The following DLG2 variants were observed in gnomAD, a reference collection of about 807,000 sequenced individuals.
DLG2 encodes discs large MAGUK scaffold protein 2.
Under a neutral mutation model 132.5 loss-of-function variants are expected in DLG2, and 45 were observed. That is an observed-to-expected ratio of 0.34 (90% confidence interval 0.27 to 0.44). DLG2 has a LOEUF of 0.44. Among genes scored for constraint, DLG2 ranks in the 20% least tolerant of loss-of-function variants. The pLI is 1.00. For missense variants in DLG2, 1,045 were observed against 1,196.9 expected, an observed-to-expected ratio of 0.87 and a Z score of 1.87; for synonymous variants, 424 against 419.6, an observed-to-expected ratio of 1.01 and a Z score of -0.13.
intron 6 of DLG2, among the ~76,000 whole-genome samples, chr11:84,732,247 A>G (rs2063243653): frequency 6.6e-6 from 1 of 152,118 alleles, no homozygotes; most frequent in Admixed American, 6.6e-5. Flanking sequence ...TCTGTGCATA[A>G]GTCTCTGCAT....
chr11:85,519,497 A>G (rs1045818974), intron 3 of DLG2, among the ~76,000 whole-genome samples: 1 of 152,172 alleles, frequency 6.6e-6, no homozygotes, highest in African/African-American at 2.4e-5. Context: ...TACTTACCCA[A>G]TACCTGTACC....
At chr11:83,858,454 T>C (rs1565373301) in intron 16 of DLG2, among the ~76,000 whole-genome samples, 1 of 152,224 alleles carries the variant, frequency 6.6e-6, no homozygotes, top group African/African-American at 2.4e-5. Context: ...TTCACTCTCA[T>C]TATCCTCCAG....
intron 16 of DLG2, among the ~76,000 whole-genome samples, chr11:83,835,468 A>G (rs557529511): frequency 2.4e-4 from 37 of 152,320 alleles, no homozygotes; most frequent in African/African-American, 8.7e-4. Flanking sequence ...TCATGTCGCT[A>G]TAAAAAGGAA....
chr11:84,334,054 C>T (rs776591983), intron 7 of DLG2, among the ~76,000 whole-genome samples: 1 of 152,090 alleles, frequency 6.6e-6, no homozygotes, highest in African/African-American at 2.4e-5. Flanking sequence ...TGGGCACATC[C>T]TCATAATATG....
intron 18 of DLG2, among the ~76,000 whole-genome samples, chr11:83,712,488 G>C (rs1017475978): frequency 6.6e-6 from 1 of 151,938 alleles, no homozygotes; most frequent in African/African-American, 2.4e-5. Context: ...AAATTAGCCC[G>C]GTGTGGTGTT....
At chr11:83,684,746 T>C (rs2153605043) in intron 18 of DLG2, among the ~76,000 whole-genome samples, 1 of 152,230 alleles carries the variant, frequency 6.6e-6, no homozygotes, top group South Asian at 2.1e-4. Context: ...CCACCTACAT[T>C]TAGCCCCCAA....
chr11:84,485,919 G>T (rs994894711), intron 7 of DLG2, among the ~76,000 whole-genome samples: 13 of 152,062 alleles, frequency 8.5e-5, no homozygotes, highest in Non-Finnish European at 1.8e-4. Flanking sequence ...GTCATTCAAG[G>T]ATCTAGACTA....
intron 6 of DLG2, among the ~76,000 whole-genome samples, chr11:84,899,905 G>T (rs139318418): frequency 8.6e-5 from 13 of 152,028 alleles, no homozygotes; most frequent in African/African-American, 3.1e-4. Context: ...AGACCACTGG[G>T]GTACCATTTG....
chr11:84,011,512 GA>G (rs905145465), intron 11 of DLG2, among the ~76,000 whole-genome samples: 29 of 151,768 alleles, frequency 1.9e-4, no homozygotes, highest in Non-Finnish European at 4.0e-4. Flanking sequence ...TTAATAACAA[GA>G]AAAACCAGCT....
chr11:85,576,159 AT>A (rs2078145194), intron 3 of DLG2, among the ~76,000 whole-genome samples: 1 of 152,180 alleles, frequency 6.6e-6, no homozygotes, highest in Non-Finnish European at 1.5e-5. Flanking sequence ...AGAGATCCAT[AT>A]TTTTATTCTG....
chr11:84,175,977 G>A (rs1363153480), intron 8 of DLG2, among the ~76,000 whole-genome samples: 1 of 151,950 alleles, frequency 6.6e-6, no homozygotes, highest in Non-Finnish European at 1.5e-5. Context: ...GTTTAAAGTT[G>A]TTTATATCTA....
At chr11:85,056,167 A>T (rs1352185187) in intron 6 of DLG2, among the ~76,000 whole-genome samples, 1 of 152,174 alleles carries the variant, frequency 6.6e-6, no homozygotes, top group Non-Finnish European at 1.5e-5. Flanking sequence ...ATTAGAAAAG[A>T]TCTTTGAAAT....
intron 7 of DLG2, among the ~76,000 whole-genome samples, chr11:84,262,185 C>A (rs1326857893): frequency 2.6e-5 from 4 of 152,122 alleles, no homozygotes; most frequent in African/African-American, 7.2e-5. Context: ...AGACTAATAA[C>A]CAGATGGAGC....
At chr11:83,886,571 T>C (rs1395692161) in intron 15 of DLG2, among the ~76,000 whole-genome samples, 2 of 152,044 alleles carry the variant, frequency 1.3e-5, no homozygotes, top group African/African-American at 4.8e-5. Context: ...TACCCAGGAA[T>C]TGAACTCAGC....
intron 6 of DLG2, among the ~76,000 whole-genome samples, chr11:84,969,226 TCA>T (rs959934041): frequency 6.6e-6 from 1 of 152,182 alleles, no homozygotes; most frequent in African/African-American, 2.4e-5. Flanking sequence ...CAACTGGAAT[TCA>T]GTGGCCTTTG....
rs535612685 is a variant in DLG2 at position 84,852,501 on chromosome 11, T to C, written c.357+259160A>G. Among the ~76,000 whole-genome samples, 4 of 152,116 alleles carry C rather than the reference T, an allele frequency of 2.6e-5. No homozygotes were observed. In the East Asian group the frequency reaches 5.8e-4, roughly 22 times the overall value. The stretch of plus-strand genomic sequence containing the variant: ...ATATTAGGAAAGAATGTCACCGGCA[T>C]GGGTGTGGGAAGTGTCAGAATTTGT... On this transcript the variant is annotated intron_variant, in intron 6 of 27. Transcript: ENST00000376104.
At chr11:85,420,010 G>A (rs1270537228) in intron 3 of DLG2, among the ~76,000 whole-genome samples, 1 of 152,180 alleles carries the variant, frequency 6.6e-6, no homozygotes, top group Non-Finnish European at 1.5e-5. Context: ...AGGTGAAGAG[G>A]CATTCTGGTT....
intron 6 of DLG2, among the ~76,000 whole-genome samples, chr11:84,664,513 C>G (rs2099697946): frequency 6.6e-6 from 1 of 152,050 alleles, no homozygotes. Flanking sequence ...ACTCATTTTT[C>G]CTATTTATAA....
chr11:83,477,118 C>T lies in DLG2; in HGVS notation c.2294-4341G>A, dbSNP rs140202358. Among the ~76,000 whole-genome samples, 98 of 152,176 alleles carry T rather than the reference C, an allele frequency of 6.4e-4. 1 individual carries two copies. In the East Asian group the frequency reaches 0.013, roughly 20 times the overall value. ...GGTTGGAAGGATAATTATCAGCTTGCACACATCCATGATGATGTAAAGAGC... is the reference window on the plus strand; with the variant it reads ...GGTTGGAAGGATAATTATCAGCTTGTACACATCCATGATGATGTAAAGAGC... On this transcript the variant is annotated intron_variant, in intron 22 of 27. Transcript: ENST00000376104.
Sources: allele counts gnomAD v4.1 joint callset (sites outside exome capture counted in the v4.1 genomes callset), GRCh38; gene constraint gnomAD v4.1.1; transcripts MANE v1.5; gene names NCBI Gene and HGNC (gene_info 2026-07-23, HGNC 2026-07-21).